The following TMEM192 variants were observed in gnomAD, a reference collection of about 807,000 sequenced individuals.
The protein encoded by TMEM192 is transmembrane protein 192.
A neutral mutation model predicts 26.7 loss-of-function variants in TMEM192; 20 were observed. The observed-to-expected ratio is 0.75, with a 90% CI of 0.53 to 1.09. The LOEUF (loss-of-function observed/expected upper bound fraction) is 1.09, where lower values mean the gene tolerates loss of function less well. Among genes scored for constraint, TMEM192 ranks in the 50% least tolerant of loss-of-function variants. TMEM192 has a pLI of 0.00. For synonymous variants in TMEM192, 124 were observed against 121.0 expected (o/e 1.02, Z -0.16); for missense variants, 304 against 322.6 (o/e 0.94, Z 0.44).
rs745927809 is a variant in TMEM192, at chr4:165,100,896, G to A, written c.175-4C>T. 1 of 1,606,582 alleles carries A rather than the reference G, an allele frequency of 6.2e-7. No homozygotes were observed. ...ATGCTAAAACAACAAACACGAGCTG[G>A]GGGAAAGGAGAGCAGAAAGATTAAT... On this transcript the variant is annotated splice_polypyrimidine_tract_variant and splice_region_variant and intron_variant, in intron 2 of 5. Coordinates refer to ENST00000306480, the MANE Select transcript of TMEM192 (RefSeq NM_001100389.2).
chr4:165,082,444 T>G lies in TMEM192; in HGVS notation c.678-2648A>C, dbSNP rs1734536181. Among the ~76,000 whole-genome samples, 2 of 39,774 alleles carry G rather than the reference T, an allele frequency of 5.0e-5. 1 individual carries two copies. The highest frequency in any genetic ancestry group is 9.0e-5 in the African/African-American group (2 of 22,142). 26.1% of individuals were successfully genotyped at this position (39,774 alleles called of 152,430 possible). On this transcript the variant is annotated intron_variant, in intron 5 of 5. Transcript: ENST00000306480. ...CCGTGTCCTCTAAATGTAGCCTCTCTGCCCTGTGGTATTGTCTACCGCTCC... is the reference window on the plus strand; with the variant it reads ...CCGTGTCCTCTAAATGTAGCCTCTCGGCCCTGTGGTATTGTCTACCGCTCC...
At position 165,071,643 on chromosome 4, in the gene TMEM192, T is replaced by G. The variant is rs548830466; in HGVS notation, c.*8015A>C. Reference sequence around the variant, plus strand: ...GAAAAAGATATATGGGAGTTGATCCTTCCAGGCAGAGGGAACAGCAACCGC... The same window carrying G: ...GAAAAAGATATATGGGAGTTGATCCGTCCAGGCAGAGGGAACAGCAACCGC... On this transcript the variant is annotated 3_prime_UTR_variant, in exon 6 of 6. Coordinates refer to ENST00000306480, the MANE Select transcript of TMEM192 (RefSeq NM_001100389.2). 1 of 152,344 alleles carries G rather than the reference T, an allele frequency of 6.6e-6. No individual in the cohort carries two copies. The highest frequency in any genetic ancestry group is 6.5e-5 in the Admixed American group (1 of 15,270). The allele number at this position is 152,344 out of a possible 1,614,324, so 9.4% of individuals were successfully genotyped here.
intron 3 of TMEM192, among the ~76,000 whole-genome samples, chr4:165,096,313 G>A (rs13117490): frequency 0.46 from 69,677 of 151,620 alleles, 17,702 homozygotes; most frequent in East Asian, 0.58. Context: ...GCTGAGGCAG[G>A]AGAATCAGTT....
intron 4 of TMEM192, among the ~76,000 whole-genome samples, chr4:165,087,095 C>T (rs1464020525): frequency 1.3e-5 from 2 of 151,710 alleles, no homozygotes; most frequent in Non-Finnish European, 2.9e-5. Flanking sequence ...GCCTGGGTGA[C>T]GAGAGTGAAA....
chr4:165,097,765 C>T (rs1260585911), intron 3 of TMEM192, among the ~76,000 whole-genome samples: 1 of 151,386 alleles, frequency 6.6e-6, no homozygotes. Context: ...CAGGCACAGG[C>T]TACCACACAT....
chr4:165,077,399 C>G lies in TMEM192; in HGVS notation c.*2259G>C, dbSNP rs1734407312. The G allele has an allele frequency of 6.6e-6, 1 of 152,076 alleles. No homozygotes were observed. The highest frequency in any genetic ancestry group is 2.1e-4 in the South Asian group (1 of 4,826). 9.4% of individuals were successfully genotyped at this position (152,076 alleles called of 1,614,324 possible). A position where few individuals can be genotyped will look rare whatever the true frequency, so the allele number is the denominator to read the frequency against. On this transcript the variant is annotated 3_prime_UTR_variant, in exon 6 of 6. Coordinates refer to ENST00000306480, the MANE Select transcript of TMEM192 (RefSeq NM_001100389.2). Reference sequence around the variant, plus strand: ...GCAAAGTTTATAGGCTCTTCCAGAACAGAGAAACAGATTTCTAGAGAAGGC... The same window carrying G: ...GCAAAGTTTATAGGCTCTTCCAGAAGAGAGAAACAGATTTCTAGAGAAGGC...
At position 165,079,417 on chromosome 4, in the gene TMEM192, T is replaced by C; in HGVS notation, c.*241A>G. The C allele has an allele frequency of 7.2e-6, 3 of 414,078 alleles. No individual in the cohort carries two copies. The highest frequency in any genetic ancestry group is 1.3e-5 in the Non-Finnish European group (3 of 234,688). The allele number at this position is 414,078 out of a possible 1,614,324, so 25.7% of individuals were successfully genotyped here. On this transcript the variant is annotated 3_prime_UTR_variant, in exon 6 of 6. Transcript: ENST00000306480. ...GGATAAACCAAGCAGTTAAATAATT[T>C]CCAAAAGTACAAACAGACATTCCCC...
At chr4:165,094,279 C>T (rs1041272560) in intron 3 of TMEM192, among the ~76,000 whole-genome samples, 3 of 151,890 alleles carry the variant, frequency 2.0e-5, no homozygotes, top group African/African-American at 4.8e-5. Flanking sequence ...TCAAGTGACC[C>T]GCCTGCCTTA....
At position 165,103,035 on chromosome 4, in the gene TMEM192, G is replaced by A; in HGVS notation, c.89C>T (p.Pro30Leu). 1 of 1,613,416 alleles carries A rather than the reference G, an allele frequency of 6.2e-7. No homozygotes were observed. Among genetic ancestry groups the A allele is most frequent in the African/African-American group, 1.3e-5 (1 of 75,000 alleles). Reference sequence around the variant, plus strand: ...AAAGTGAGCTTGTAATGAGTGGTGTGGGAGAAGCTGGGCATCCAGAAGTGG... The same window carrying A: ...AAAGTGAGCTTGTAATGAGTGGTGTAGGAGAAGCTGGGCATCCAGAAGTGG... ...DDPLLDAQLL[P>L]HHSLQAHFRP... The change falls in exon 2 of 6, where the codon CCA (proline) becomes CTA (leucine). Residue 30 changes from proline to leucine, a missense_variant. Transcript: ENST00000306480.
intron 3 of TMEM192, among the ~76,000 whole-genome samples, chr4:165,095,926 C>G (rs984638851): frequency 6.6e-6 from 1 of 150,776 alleles, no homozygotes; most frequent in African/African-American, 2.4e-5. Context: ...AGGCGCCCAC[C>G]ACCACCCCAG....
chr4:165,080,085 A>G (rs1019956885), intron 5 of TMEM192, among the ~76,000 whole-genome samples: 2 of 152,220 alleles, frequency 1.3e-5, no homozygotes, highest in Non-Finnish European at 2.9e-5. Context: ...GAGTAAGATA[A>G]TTGAGTATAA....
At position 165,074,106 on chromosome 4, in the gene TMEM192, G is replaced by A. The variant is rs1469620140; in HGVS notation, c.*5552C>T. 2.2e-5 allele frequency: 1 copy of A among 45,810 alleles called. No individual in the cohort carries two copies. The highest frequency in any genetic ancestry group is 4.4e-5 in the African/African-American group (1 of 22,800). The allele number at this position is 45,810 out of a possible 1,614,324, so 2.8% of individuals were successfully genotyped here. A position where few individuals can be genotyped will look rare whatever the true frequency, so the allele number is the denominator to read the frequency against. On this transcript the variant is annotated 3_prime_UTR_variant, in exon 6 of 6. Coordinates refer to ENST00000306480, the MANE Select transcript of TMEM192 (RefSeq NM_001100389.2). Reference sequence around the variant, plus strand: ...GACGAGAAATACCCACAGGTGTGGAGGGGCAGACCCCCCCTCAATCAACTG... The same window carrying A: ...GACGAGAAATACCCACAGGTGTGGAAGGGCAGACCCCCCCTCAATCAACTG...
chr4:165,106,454 C>T (rs953503306), intron 1 of TMEM192, among the ~76,000 whole-genome samples: 4 of 152,200 alleles, frequency 2.6e-5, no homozygotes, highest in African/African-American at 4.8e-5. Context: ...GGCAAAGTAT[C>T]GTCTGTGAGG....
At chr4:165,108,280 C>A (rs947390699) in intron 1 of TMEM192, among the ~76,000 whole-genome samples, 3 of 151,810 alleles carry the variant, frequency 2.0e-5, no homozygotes, top group Admixed American at 6.6e-5. Context: ...CAGCACCACG[C>A]CCGGCTAATT....
At chr4:165,100,566 T>A in intron 3 of TMEM192, 62 bp downstream of exon 3, 1 of 1,534,190 alleles carries the variant, frequency 6.5e-7, no homozygotes. Context: ...ACTTCATATA[T>A]TCTTTCTGCT....
At chr4:165,102,074 C>G (rs1342270127) in intron 2 of TMEM192, among the ~76,000 whole-genome samples, 1 of 152,204 alleles carries the variant, frequency 6.6e-6, no homozygotes, top group Non-Finnish European at 1.5e-5. Flanking sequence ...ATTAAACAGA[C>G]TGGCAGTGGA....
rs975285012 is a variant in TMEM192 at position 165,075,921 on chromosome 4, G to C, written c.*3737C>G. The C allele has an allele frequency of 1.3e-5, 2 of 151,726 alleles. No individual in the cohort carries two copies. The highest frequency in any genetic ancestry group is 4.8e-5 in the African/African-American group (2 of 41,308). The allele number at this position is 151,726 out of a possible 1,614,324, so 9.4% of individuals were successfully genotyped here. A position where few individuals can be genotyped will look rare whatever the true frequency, so the allele number is the denominator to read the frequency against. ...ATAGTGGCATGCATCTGTAGTACTAGCTACTTGGGAGGCTGAGGCAGGAGA... is the reference window on the plus strand; with the variant it reads ...ATAGTGGCATGCATCTGTAGTACTACCTACTTGGGAGGCTGAGGCAGGAGA... On this transcript the variant is annotated 3_prime_UTR_variant, in exon 6 of 6. Transcript: ENST00000306480.
At chr4:165,090,917 A>AAAAAAAAAAG (rs1734744935) in intron 3 of TMEM192, among the ~76,000 whole-genome samples, 1 of 149,370 alleles carries the variant, frequency 6.7e-6, no homozygotes, top group Non-Finnish European at 1.5e-5. Flanking sequence ...TCTCAAAAAA[A>AAAAAAAAAAG]AAAAAAAAAA....
At chr4:165,104,881 C>G (rs4690801) in intron 1 of TMEM192, among the ~76,000 whole-genome samples, 1 of 151,862 alleles carries the variant, frequency 6.6e-6, no homozygotes, top group African/African-American at 2.4e-5. Context: ...TACCATAACT[C>G]ATGGTACAAT....
Sources: gnomAD v4.1 joint callset for allele counts (sites outside exome capture counted in the v4.1 genomes callset) on GRCh38, gnomAD v4.1.1 for gene constraint, MANE v1.5 for transcripts, NCBI Gene and HGNC (gene_info 2026-07-23, HGNC 2026-07-21) for gene names.